SLCO3A1: variants seen among roughly 807,000 people sequenced by gnomAD.
SLCO3A1 encodes the protein solute carrier organic anion transporter family member 3A1, also known as PGE1 transporter.
Under a neutral mutation model 63.1 loss-of-function variants are expected in SLCO3A1, and 27 were observed. That is an observed-to-expected ratio of 0.43 (90% CI 0.32 to 0.59). The LOEUF is 0.59. Ranked by LOEUF, SLCO3A1 falls within the 20% of genes least tolerant of loss-of-function variation. SLCO3A1 has a pLI of 0.09. For synonymous variants in SLCO3A1, 473 were observed against 409.9 expected (o/e 1.15, Z -1.86); for missense variants, 773 against 945.8 (o/e 0.82, Z 2.40).
At chr15:92,056,391 C>T (rs2047022045) in intron 2 of SLCO3A1, among the ~76,000 whole-genome samples, 1 of 152,120 alleles carries the variant, frequency 6.6e-6, no homozygotes, top group Admixed American at 6.5e-5. Context: ...CTTTGCTTTT[C>T]AGAACCTTAG....
chr15:92,060,013 C>G (rs1041280400), intron 2 of SLCO3A1, among the ~76,000 whole-genome samples: 1 of 152,112 alleles, frequency 6.6e-6, no homozygotes, highest in Non-Finnish European at 1.5e-5. Flanking sequence ...ATACTGTAGG[C>G]AGTTGCAACG....
intron 9 of SLCO3A1, among the ~76,000 whole-genome samples, chr15:92,154,223 A>G (rs2048343706): frequency 6.6e-6 from 1 of 152,224 alleles, no homozygotes; most frequent in Non-Finnish European, 1.5e-5. Flanking sequence ...TCCAAGTGGA[A>G]GCATAAGAAC....
intron 2 of SLCO3A1, among the ~76,000 whole-genome samples, chr15:92,018,627 T>C (rs750995743): frequency 2.6e-5 from 4 of 152,198 alleles, no homozygotes; most frequent in Non-Finnish European, 5.9e-5. Context: ...GTGGGGCTGC[T>C]GTGGTAATCC....
At chr15:91,993,880 A>G (rs145820536) in intron 2 of SLCO3A1, among the ~76,000 whole-genome samples, 73 of 152,298 alleles carry the variant, frequency 4.8e-4, no homozygotes, top group African/African-American at 1.7e-3. Context: ...GAGGACACCT[A>G]AGCAGGCTGT....
chr15:92,062,274 T>C (rs1597273795), intron 2 of SLCO3A1, among the ~76,000 whole-genome samples: 1 of 152,128 alleles, frequency 6.6e-6, no homozygotes, highest in Non-Finnish European at 1.5e-5. Flanking sequence ...ATGGAGGAGG[T>C]GACATTTGCA....
chr15:92,119,312 T>C (rs910526360), intron 4 of SLCO3A1, among the ~76,000 whole-genome samples: 2 of 152,198 alleles, frequency 1.3e-5, no homozygotes, highest in African/African-American at 4.8e-5. Context: ...TAAAACCACA[T>C]GCTTTAAGAA....
At chr15:92,126,944 AG>A (rs930554518) in intron 6 of SLCO3A1, among the ~76,000 whole-genome samples, 6 of 152,188 alleles carry the variant, frequency 3.9e-5, no homozygotes, top group African/African-American at 1.4e-4. Flanking sequence ...GCTGGCCTGC[AG>A]GTTACCAGTT....
intron 2 of SLCO3A1, among the ~76,000 whole-genome samples, chr15:92,045,783 G>A (rs555535003): frequency 6.6e-6 from 1 of 152,286 alleles, no homozygotes; most frequent in African/African-American, 2.4e-5. Context: ...TCTATACTCA[G>A]TATTTCCCTT....
intron 1 of SLCO3A1, among the ~76,000 whole-genome samples, chr15:91,896,723 C>T (rs922355569): frequency 6.6e-5 from 10 of 152,172 alleles, no homozygotes; most frequent in Non-Finnish European, 1.2e-4. Flanking sequence ...TTTTTCTTTA[C>T]GAATTACCCA....
intron 2 of SLCO3A1, among the ~76,000 whole-genome samples, chr15:92,091,624 C>T (rs2047477960): frequency 6.6e-6 from 1 of 152,104 alleles, no homozygotes; most frequent in African/African-American, 2.4e-5. Flanking sequence ...CACGAAGGCC[C>T]CTCCCACGTC....
chr15:91,944,732 G>A (rs1899743291), intron 2 of SLCO3A1, among the ~76,000 whole-genome samples: 1 of 151,914 alleles, frequency 6.6e-6, no homozygotes, highest in Non-Finnish European at 1.5e-5. Context: ...AGTCTTTCAC[G>A]AAGGAATGTG....
downstream of SLCO3A1, chr15:92,170,732 G>C (rs180814998): frequency 6.6e-6 from 1 of 152,220 alleles, no homozygotes. Flanking sequence ...TATGGGCACA[G>C]GAATCTAGGT....
At chr15:92,122,633 A>G (rs894356415) in intron 5 of SLCO3A1, among the ~76,000 whole-genome samples, 1 of 152,226 alleles carries the variant, frequency 6.6e-6, no homozygotes, top group African/African-American at 2.4e-5. Flanking sequence ...GCTGTGACCT[A>G]TCAGTTCCAT....
chr15:92,067,491 G>C (rs770535212), intron 2 of SLCO3A1, among the ~76,000 whole-genome samples: 1 of 152,158 alleles, frequency 6.6e-6, no homozygotes, highest in Non-Finnish European at 1.5e-5. Context: ...TTGTCTACTC[G>C]TCTTCCTCCT....
intron 2 of SLCO3A1, among the ~76,000 whole-genome samples, chr15:92,035,309 A>G (rs973327063): frequency 6.6e-6 from 1 of 151,852 alleles, no homozygotes; most frequent in East Asian, 1.9e-4. Flanking sequence ...GAACTTTGCC[A>G]ATGGGAAACA....
At chr15:92,044,964 C>T (rs552358864) in intron 2 of SLCO3A1, among the ~76,000 whole-genome samples, 1 of 152,082 alleles carries the variant, frequency 6.6e-6, no homozygotes, top group Non-Finnish European at 1.5e-5. Flanking sequence ...ATCCTCTGAG[C>T]CTTGGCTCAA....
rs1403433654 is a variant in SLCO3A1, at chr15:91,894,851, C to T, written c.181-21142C>T. Among the ~76,000 whole-genome samples the T allele has an allele frequency of 1.3e-5, 2 of 152,150 alleles. No homozygotes were observed. The highest frequency in any genetic ancestry group is 2.9e-5 in the Non-Finnish European group (2 of 68,016). On this transcript the variant is annotated intron_variant, in intron 1 of 9. Coordinates refer to ENST00000318445, the MANE Select transcript of SLCO3A1 (RefSeq NM_013272.4). This position sits in a 1 kb window ranked among gnomAD's most constrained non-coding sequence, Gnocchi z 4.8. ...CAGAGGCACAGAACAGTGAAACCCC[C>T]GGAGGGACAGGGAGTGCGTAGAAGC...
At chr15:92,076,266 G>C (rs1156279558) in intron 2 of SLCO3A1, among the ~76,000 whole-genome samples, 1 of 152,118 alleles carries the variant, frequency 6.6e-6, no homozygotes, top group Non-Finnish European at 1.5e-5. Context: ...GAATGCATCG[G>C]TTGCGTGCAG....
chr15:92,036,071 C>T (rs1022133203), intron 2 of SLCO3A1, among the ~76,000 whole-genome samples: 3 of 152,220 alleles, frequency 2.0e-5, no homozygotes, highest in Non-Finnish European at 2.9e-5. Flanking sequence ...CACCAAGCCA[C>T]TCTCCAACTG....
Sources: allele counts gnomAD v4.1 joint callset (sites outside exome capture counted in the v4.1 genomes callset), GRCh38; gene constraint gnomAD v4.1.1; non-coding constraint Gnocchi (gnomAD v3.1); transcripts MANE v1.5; gene names NCBI Gene and HGNC (gene_info 2026-07-23, HGNC 2026-07-21).